Variants in AKIRIN2 observed in about 807,000 individuals in gnomAD.
AKIRIN2 encodes the protein akirin 2.
Under a neutral mutation model 29.3 loss-of-function variants are expected in AKIRIN2, and 6 were observed. That is an observed-to-expected ratio of 0.20 (90% CI 0.11 to 0.40). The LOEUF is 0.40. AKIRIN2 is among the 10% of genes least tolerant of loss of function. The pLI is 1.00. For synonymous variants in AKIRIN2, 128 were observed against 117.5 expected (o/e 1.09, Z -0.58); for missense variants, 210 against 276.1 (o/e 0.76, Z 1.70).
At chr6:87,689,906 C>T (rs1015610707) in intron 1 of AKIRIN2, among the ~76,000 whole-genome samples, 1 of 152,150 alleles carries the variant, frequency 6.6e-6, no homozygotes, top group Non-Finnish European at 1.5e-5. Flanking sequence ...GTTTCTAGCC[C>T]CTGCTTAAAA....
chr6:87,687,455 A>AAAAAC (rs752871351), intron 1 of AKIRIN2, among the ~76,000 whole-genome samples: 2 of 151,078 alleles, frequency 1.3e-5, no homozygotes, highest in Non-Finnish European at 1.5e-5. Flanking sequence ...AAAAAAAAAA[A>AAAAAC]ACACACTACT....
intron 2 of AKIRIN2, among the ~76,000 whole-genome samples, chr6:87,679,078 T>C (rs1458726721): frequency 7.0e-6 from 1 of 143,544 alleles, no homozygotes; most frequent in Non-Finnish European, 1.5e-5. Context: ...GAGGTTGCAG[T>C]GAGCCGAGAT....
chr6:87,691,503 T>G (rs35965137), intron 1 of AKIRIN2, among the ~76,000 whole-genome samples: 4,736 of 148,372 alleles, frequency 0.032, 96 homozygotes, highest in Middle Eastern at 0.058. Flanking sequence ...AGAGGAACTG[T>G]CTGAACCAAC....
intron 1 of AKIRIN2, among the ~76,000 whole-genome samples, chr6:87,695,473 A>C (rs1206516660): frequency 7.2e-5 from 11 of 152,210 alleles, no homozygotes; most frequent in Admixed American, 7.2e-4. Flanking sequence ...GTATAGGCTT[A>C]AATAAATATT....
At chr6:87,696,647 G>C (rs2128302922) in intron 1 of AKIRIN2, among the ~76,000 whole-genome samples, 1 of 145,296 alleles carries the variant, frequency 6.9e-6, no homozygotes, top group South Asian at 2.2e-4. Context: ...CTTGCAGTGA[G>C]CCGAGATTGT....
intron 1 of AKIRIN2, among the ~76,000 whole-genome samples, chr6:87,688,248 C>G (rs891760610): frequency 6.6e-6 from 1 of 152,098 alleles, no homozygotes; most frequent in Non-Finnish European, 1.5e-5. Context: ...TCTTCTGCCT[C>G]AGCCTCCAGA....
At chr6:87,678,480 C>A (rs907813686) in intron 2 of AKIRIN2, among the ~76,000 whole-genome samples, 3 of 151,630 alleles carry the variant, frequency 2.0e-5, no homozygotes, top group African/African-American at 7.3e-5. Context: ...CCAGCCTGGG[C>A]AAAGAGAGTG....
chr6:87,690,745 G>A (rs1771265328), intron 1 of AKIRIN2, among the ~76,000 whole-genome samples: 1 of 152,062 alleles, frequency 6.6e-6, no homozygotes, highest in African/African-American at 2.4e-5. Flanking sequence ...GGCCAAGGTG[G>A]GCAGATGGCT....
chr6:87,691,270 G>A lies in AKIRIN2; in HGVS notation c.236-9507C>T, dbSNP rs1392688710. ...CCAGCCTGGCCAACATGGTGAAACT[G>A]TCTCTACTAAAAATACAAAAATTAG... is the stretch of plus-strand genomic sequence containing the variant. On this transcript the variant is annotated intron_variant, in intron 1 of 4. Coordinates refer to ENST00000257787, the MANE Select transcript of AKIRIN2 (RefSeq NM_018064.4). Among the ~76,000 whole-genome samples the A allele has an allele frequency of 4.6e-5, 7 of 151,708 alleles. No individual in the cohort carries two copies. The East Asian group carries it at 9.7e-4, about 21-fold the overall frequency.
intron 1 of AKIRIN2, among the ~76,000 whole-genome samples, chr6:87,700,039 T>C (rs1010617174): frequency 2.0e-5 from 3 of 152,158 alleles, no homozygotes; most frequent in Non-Finnish European, 2.9e-5. Context: ...GTTTCCTTTT[T>C]TTTTTCCCAA....
intron 1 of AKIRIN2, among the ~76,000 whole-genome samples, chr6:87,694,610 G>C (rs1462957592): frequency 6.6e-6 from 1 of 152,054 alleles, no homozygotes; most frequent in Non-Finnish European, 1.5e-5. Flanking sequence ...AAATCCAGAA[G>C]TTGTATTTAA....
At chr6:87,690,206 C>CAAA (rs36001292) in intron 1 of AKIRIN2, among the ~76,000 whole-genome samples, 8 of 115,190 alleles carry the variant, frequency 6.9e-5, no homozygotes, top group Non-Finnish European at 1.3e-4. Flanking sequence ...AACTCCATCT[C>CAAA]AAAAAAAAAA....
In AKIRIN2 at chr6:87,675,319, C is replaced by T. The variant is rs973522182; in HGVS notation, c.*278G>A. On this transcript the variant is annotated 3_prime_UTR_variant, in exon 5 of 5. Coordinates refer to ENST00000257787, the MANE Select transcript of AKIRIN2 (RefSeq NM_018064.4). ...CATGTTCTAGAATACCAGCTTTAAT[C>T]CTTTTCAAACATTAATATAAGAAGC... 5.1e-5 allele frequency: 25 copies of T among 488,542 alleles called. No individual in the cohort carries two copies. The highest frequency in any genetic ancestry group is 4.4e-4 in the African/African-American group (23 of 52,258). The allele number at this position is 488,542 out of a possible 1,614,324, so 30.3% of individuals were successfully genotyped here. A position where few individuals can be genotyped will look rare whatever the true frequency, so the allele number is the denominator to read the frequency against.
At chr6:87,690,829 CG>C (rs2128302246) in intron 1 of AKIRIN2, among the ~76,000 whole-genome samples, 1 of 151,834 alleles carries the variant, frequency 6.6e-6, no homozygotes, top group Admixed American at 6.6e-5. Flanking sequence ...AAAAGTTAAA[CG>C]GGCATAATGG....
intron 2 of AKIRIN2, among the ~76,000 whole-genome samples, chr6:87,680,537 C>T (rs1384145239): frequency 6.6e-6 from 1 of 151,950 alleles, no homozygotes; most frequent in Non-Finnish European, 1.5e-5. Context: ...TCCCAAAGTG[C>T]TGGGATTACA....
intron 1 of AKIRIN2, among the ~76,000 whole-genome samples, chr6:87,698,728 G>A (rs79498531): frequency 6.6e-6 from 1 of 152,284 alleles, no homozygotes; most frequent in East Asian, 1.9e-4. Flanking sequence ...CTTAACTTCC[G>A]TCAGCTCAGC....
chr6:87,699,162 T>A (rs926019813), intron 1 of AKIRIN2, among the ~76,000 whole-genome samples: 2 of 152,184 alleles, frequency 1.3e-5, no homozygotes, highest in African/African-American at 4.8e-5. Flanking sequence ...ATAATCGGTG[T>A]TAAAATAGGA....
At position 87,675,378 on chromosome 6, in the gene AKIRIN2, G is replaced by A. The variant is rs1770950928; in HGVS notation, c.*219C>T. On this transcript the variant is annotated 3_prime_UTR_variant, in exon 5 of 5. Coordinates refer to ENST00000257787, the MANE Select transcript of AKIRIN2 (RefSeq NM_018064.4). Reference sequence around the variant, plus strand: ...AATGATACAGCAAAATGAGGCCACTGGTATTAATACAGGTAGCAAAGGTCC... The same window carrying A: ...AATGATACAGCAAAATGAGGCCACTAGTATTAATACAGGTAGCAAAGGTCC... 1 of 569,444 alleles carries A rather than the reference G, an allele frequency of 1.8e-6. No individual in the cohort carries two copies. The highest frequency in any genetic ancestry group is 3.1e-5 in the Admixed American group (1 of 31,802). 35.3% of individuals were successfully genotyped at this position (569,444 alleles called of 1,614,324 possible).
intron 1 of AKIRIN2, among the ~76,000 whole-genome samples, chr6:87,696,618 G>A (rs940242902): frequency 3.4e-5 from 5 of 147,262 alleles, no homozygotes; most frequent in African/African-American, 1.3e-4. Context: ...GGAGAATGGC[G>A]TGAACCCGGG....
Sources: allele counts gnomAD v4.1 joint callset (sites outside exome capture counted in the v4.1 genomes callset), GRCh38; gene constraint gnomAD v4.1.1; transcripts MANE v1.5; gene names NCBI Gene and HGNC (gene_info 2026-07-23, HGNC 2026-07-21).